Variants in ANO2 observed in about 807,000 individuals in gnomAD.
The protein encoded by ANO2 is anoctamin 2, also known as anoctamin-2.
Under a neutral mutation model 124.2 loss-of-function variants are expected in ANO2, and 101 were observed. That is an observed-to-expected ratio of 0.81 (90% CI 0.69 to 0.96). The LOEUF (loss-of-function observed/expected upper bound fraction) is 0.96. Ranked by LOEUF, ANO2 falls within the 40% of genes least tolerant of loss-of-function variation. The probability of loss-of-function intolerance (pLI) is 0.00; values close to 1 mark genes in which losing one functional copy is unlikely to be tolerated. For synonymous variants in ANO2, 486 were observed against 482.5 expected (o/e 1.01, Z -0.09); for missense variants, 1,293 against 1,274.5 (o/e 1.01, Z -0.22).
At chr12:5,871,549 G>A (rs1190065976) in intron 3 of ANO2, among the ~76,000 whole-genome samples, 11 of 152,202 alleles carry the variant, frequency 7.2e-5, no homozygotes, top group Admixed American at 7.2e-4. Flanking sequence ...ATAAGCAGCA[G>A]TATTATAACT....
chr12:5,626,064 G>A (rs895722729), intron 16 of ANO2, among the ~76,000 whole-genome samples: 1 of 152,110 alleles, frequency 6.6e-6, no homozygotes, highest in Non-Finnish European at 1.5e-5. Flanking sequence ...CACTTCCTTA[G>A]TAAAAGAAGT....
intron 20 of ANO2, among the ~76,000 whole-genome samples, chr12:5,590,138 T>A (rs951655881): frequency 6.6e-6 from 1 of 152,174 alleles, no homozygotes; most frequent in African/African-American, 2.4e-5. Context: ...CCCTGGCCCA[T>A]GGGCCACATA....
intron 14 of ANO2, among the ~76,000 whole-genome samples, chr12:5,665,640 A>C (rs1249835520): frequency 4.6e-5 from 7 of 152,064 alleles, no homozygotes; most frequent in Non-Finnish European, 1.0e-4. Context: ...TAGTGCCTTC[A>C]CCTGAGCGAG....
At chr12:5,587,247 G>A (rs953303880) in intron 20 of ANO2, among the ~76,000 whole-genome samples, 1 of 152,210 alleles carries the variant, frequency 6.6e-6, no homozygotes, top group African/African-American at 2.4e-5. Context: ...AATTTAGTGA[G>A]TATCATGACC....
chr12:5,692,894 T>C (rs953500073), intron 14 of ANO2, among the ~76,000 whole-genome samples: 1 of 152,212 alleles, frequency 6.6e-6, no homozygotes, highest in Non-Finnish European at 1.5e-5. Flanking sequence ...AATCACCTTG[T>C]TGTAAAAATC....
At chr12:5,641,055 TG>T (rs1325052925) in intron 15 of ANO2, among the ~76,000 whole-genome samples, 2 of 152,186 alleles carry the variant, frequency 1.3e-5, no homozygotes, top group Non-Finnish European at 2.9e-5. Flanking sequence ...TAAAAATGGA[TG>T]AGTTCATGTT....
Position 5,883,502 on chromosome 12 carries a change from GGTGTGTGTGTGTGTGT to G in ANO2, c.535-29377_535-29362del, listed in dbSNP as rs5796191. 1.1e-4 allele frequency among the ~76,000 whole-genome samples: 16 copies of G among 144,690 alleles called. No homozygotes were observed. The South Asian group carries it at 1.1e-3, about 10-fold the overall frequency. The allele number at this position is 144,690 out of a possible 152,430, so 94.9% of individuals were successfully genotyped here. A position where few individuals can be genotyped will look rare whatever the true frequency, so the allele number is the denominator to read the frequency against. The stretch of plus-strand genomic sequence containing the variant: ...ATGTGTGCGTGTTTGACATTAGGGT[GGTGTGTGTGTGTGTGT>G]GTGTGTGTGTGTGTGTGTGTGTGTG... On this transcript the variant is annotated intron_variant, in intron 3 of 24. Transcript: ENST00000682330.
intron 12 of ANO2, chr12:5,739,786 C>T (rs1313765759): frequency 1.6e-5 from 7 of 433,668 alleles, no homozygotes; most frequent in Non-Finnish European, 2.8e-5. Context: ...TCCTCCTTCA[C>T]CTTCATCAGC....
In ANO2 at chr12:5,635,027, TA is replaced by T; in HGVS notation, c.1816+124del. On this transcript the variant is annotated intron_variant, in intron 16 of 24. Coordinates refer to ENST00000682330, the MANE Select transcript of ANO2 (RefSeq NM_001364791.2). The surrounding 1 kb of genome is among the most constrained non-coding windows in gnomAD (Gnocchi z 5.2). The stretch of plus-strand genomic sequence containing the variant: ...CACACGTTGCACTTCCCCATTTCTC[TA>T]ATTAAAATGCACTGTACAAAGCATC... The T allele has an allele frequency of 1.2e-6, 1 of 840,024 alleles. No individual in the cohort carries two copies. The allele number at this position is 840,024 out of a possible 1,614,324, so 52.0% of individuals were successfully genotyped here. A position where few individuals can be genotyped will look rare whatever the true frequency, so the allele number is the denominator to read the frequency against.
At chr12:5,841,630 G>C (rs1386191735) in intron 4 of ANO2, among the ~76,000 whole-genome samples, 1 of 152,098 alleles carries the variant, frequency 6.6e-6, no homozygotes. Flanking sequence ...GGCTCCCCTT[G>C]GTTCCACACG....
intron 16 of ANO2, among the ~76,000 whole-genome samples, chr12:5,629,297 T>A (rs1482842501): frequency 6.6e-6 from 1 of 152,182 alleles, no homozygotes; most frequent in Non-Finnish European, 1.5e-5. Context: ...CAGCTGTGCC[T>A]CCTCCATACT....
At position 5,562,972 on chromosome 12, in the gene ANO2, G is replaced by T; in HGVS notation, c.*327C>A. The T allele has an allele frequency of 3.3e-6, 1 of 299,138 alleles. No homozygotes were observed. The highest frequency in any genetic ancestry group is 5.8e-5 in the South Asian group (1 of 17,212). The allele number at this position is 299,138 out of a possible 1,614,324, so 18.5% of individuals were successfully genotyped here. On this transcript the variant is annotated 3_prime_UTR_variant, in exon 25 of 25. Transcript: ENST00000682330. ...CAGAAATGATGGTGAAGTACAAGAG[G>T]GTGCCCCAGGGTACATGGGAATGCT...
At chr12:5,709,212 T>A (rs1324136822) in intron 14 of ANO2, among the ~76,000 whole-genome samples, 1 of 152,194 alleles carries the variant, frequency 6.6e-6, no homozygotes, top group Non-Finnish European at 1.5e-5. Context: ...TGTTCCCCTC[T>A]ATCCAGTTTC....
At position 5,630,388 on chromosome 12, in the gene ANO2, C is replaced by T. The variant is rs188127128; in HGVS notation, c.1816+4764G>A. ...CGTATCTCTGCCTGTGGGGATACTG[C>T]TGGGACCTACTTTGTGAGACCATCT... On this transcript the variant is annotated intron_variant, in intron 16 of 24. Coordinates refer to ENST00000682330, the MANE Select transcript of ANO2 (RefSeq NM_001364791.2). 1.2e-4 allele frequency among the ~76,000 whole-genome samples: 19 copies of T among 152,328 alleles called. No individual in the cohort carries two copies. The East Asian group carries it at 2.9e-3, about 23-fold the overall frequency.
chr12:5,939,902 C>T (rs984209283), intron 1 of ANO2, among the ~76,000 whole-genome samples: 1 of 152,144 alleles, frequency 6.6e-6, no homozygotes, highest in African/African-American at 2.4e-5. Flanking sequence ...GTCACAGAGG[C>T]CTACCAAAAA....
intron 14 of ANO2, among the ~76,000 whole-genome samples, chr12:5,689,367 A>T (rs1948837575): frequency 6.6e-6 from 1 of 151,358 alleles, no homozygotes; most frequent in Non-Finnish European, 1.5e-5. Context: ...GGAGTAGACA[A>T]GGAGAGATGA....
At chr12:5,707,584 G>T (rs1949660520) in intron 14 of ANO2, among the ~76,000 whole-genome samples, 1 of 152,098 alleles carries the variant, frequency 6.6e-6, no homozygotes, top group African/African-American at 2.4e-5. Flanking sequence ...CCCAATTCAG[G>T]ACTCTGAAGT....
At chr12:5,756,618 CTGCCATGGTCCGTGGGTGGGCCTGT>C (rs1951588767) in intron 10 of ANO2, among the ~76,000 whole-genome samples, 1 of 152,230 alleles carries the variant, frequency 6.6e-6, no homozygotes, top group Admixed American at 6.5e-5. Flanking sequence ...GGTGGATCTG[CTGCCATGGTCCGTGGGTGGGCCTGT>C]TGCCAGAGTC....
At chr12:5,800,891 T>G (rs541777103) in intron 9 of ANO2, among the ~76,000 whole-genome samples, 1 of 152,038 alleles carries the variant, frequency 6.6e-6, no homozygotes, top group Admixed American at 6.5e-5. Flanking sequence ...AAAGAAGAGA[T>G]AGTAAGTATA....
Sources: gnomAD v4.1 joint callset for allele counts (sites outside exome capture counted in the v4.1 genomes callset) on GRCh38, gnomAD v4.1.1 for gene constraint, Gnocchi (gnomAD v3.1) non-coding constraint, MANE v1.5 for transcripts, NCBI Gene and HGNC (gene_info 2026-07-23, HGNC 2026-07-21) for gene names.